Variants in TXNRD1 observed in about 807,000 individuals in gnomAD.
The protein encoded by TXNRD1 is thioredoxin reductase 1.
Under a neutral mutation model 80.3 loss-of-function variants are expected in TXNRD1, and 57 were observed. The observed-to-expected ratio is 0.71, with a 90% CI of 0.57 to 0.89. TXNRD1 has a LOEUF of 0.89. Ranked by LOEUF, TXNRD1 falls within the 40% of genes least tolerant of loss-of-function variation. TXNRD1 has a pLI of 0.00. For synonymous variants in TXNRD1, 291 were observed against 285.2 expected (o/e 1.02, Z -0.20); for missense variants, 730 against 803.0 (o/e 0.91, Z 1.10).
At chr12:104,254,644 A>AAAAAAAAATATATATATAT in intron 2 of TXNRD1, among the ~76,000 whole-genome samples, 5 of 93,634 alleles carry the variant, frequency 5.3e-5, no homozygotes, top group African/African-American at 1.5e-4. Context: ...AAAAAAAAAA[A>AAAAAAAAATATATATATAT]ATATATATAT....
chr12:104,269,959 C>T (rs753502759), intron 3 of TXNRD1, among the ~76,000 whole-genome samples: 1 of 152,090 alleles, frequency 6.6e-6, no homozygotes, highest in African/African-American at 2.4e-5. Flanking sequence ...AGCAATCCTA[C>T]GTTGGCCTCC....
In TXNRD1 at chr12:104,305,929, A is replaced by C. The variant is rs137935972; in HGVS notation, c.415-5361A>C. Among the ~76,000 whole-genome samples, 63 of 152,050 alleles carry C rather than the reference A, an allele frequency of 4.1e-4. 1 individual carries two copies. The East Asian group carries it at 0.012, about 29-fold the overall frequency. ...TATCTTTTTTTTTCCCCCTCGAGAC[A>C]GAGTATCACTCTTGCCCAGGCTGGG... is the stretch of plus-strand genomic sequence containing the variant. On this transcript the variant is annotated intron_variant, in intron 4 of 16. Coordinates refer to ENST00000525566, the MANE Select transcript of TXNRD1 (RefSeq NM_001093771.3).
chr12:104,331,481 T>C lies in TXNRD1; in HGVS notation c.1543-53T>C, dbSNP rs2035944008. 10 of 1,224,436 alleles carry C rather than the reference T, an allele frequency of 8.2e-6. No homozygotes were observed. In the East Asian group the frequency reaches 2.2e-4, roughly 27 times the overall value. The allele number at this position is 1,224,436 out of a possible 1,614,324, so 75.8% of individuals were successfully genotyped here. A position where few individuals can be genotyped will look rare whatever the true frequency, so the allele number is the denominator to read the frequency against. ...ATTTTGACTTTTTTGAATACCTTTT[T>C]TTTTAAGTTATAACTTTGCCTATTA... On this transcript the variant is annotated intron_variant, in intron 13 of 16. Coordinates refer to ENST00000525566, the MANE Select transcript of TXNRD1 (RefSeq NM_001093771.3).
intron 4 of TXNRD1, among the ~76,000 whole-genome samples, chr12:104,300,538 C>T (rs2034587248): frequency 6.6e-6 from 1 of 152,150 alleles, no homozygotes; most frequent in South Asian, 2.1e-4. Context: ...GCACTTGGAC[C>T]TTAGGTTAGG....
intron 1 of TXNRD1, among the ~76,000 whole-genome samples, chr12:104,242,523 G>T (rs1371434010): frequency 5.3e-5 from 8 of 151,874 alleles, no homozygotes; most frequent in Non-Finnish European, 8.8e-5. Flanking sequence ...AATCCAGCAT[G>T]GGCGACAAGA....
chr12:104,260,718 A>G (rs1372822881), intron 3 of TXNRD1, among the ~76,000 whole-genome samples: 1 of 152,228 alleles, frequency 6.6e-6, no homozygotes, highest in South Asian at 2.1e-4. Flanking sequence ...TGGGTCCAAA[A>G]GTAGCCTTTT....
chr12:104,294,325 G>A (rs113505016), intron 4 of TXNRD1, among the ~76,000 whole-genome samples: 1,945 of 150,766 alleles, frequency 0.013, 43 homozygotes, highest in African/African-American at 0.045. Flanking sequence ...GATCCTCTTG[G>A]TGACGGGCGT....
At chr12:104,274,860 G>C (rs2033723638) in intron 3 of TXNRD1, among the ~76,000 whole-genome samples, 1 of 152,100 alleles carries the variant, frequency 6.6e-6, no homozygotes, top group Non-Finnish European at 1.5e-5. Flanking sequence ...AAACATCTGA[G>C]AGTTGACTGG....
At chr12:104,313,013 T>C (rs1442661071) in intron 5 of TXNRD1, among the ~76,000 whole-genome samples, 2 of 152,198 alleles carry the variant, frequency 1.3e-5, no homozygotes, top group Admixed American at 1.3e-4. Flanking sequence ...TTCTAACAAT[T>C]TTACTACTCT....
intron 1 of TXNRD1, among the ~76,000 whole-genome samples, chr12:104,229,145 T>C (rs2032546949): frequency 2.3e-4 from 1 of 4,282 alleles, no homozygotes; most frequent in East Asian, 2.5e-3. Flanking sequence ...ATTACTTTTC[T>C]TTTTTTTTTT....
chr12:104,221,873 A>C (rs1165849931), intron 1 of TXNRD1, among the ~76,000 whole-genome samples: 4 of 152,168 alleles, frequency 2.6e-5, no homozygotes, highest in Non-Finnish European at 5.9e-5. Flanking sequence ...AAAATTAAAA[A>C]TCTGCAGGGA....
At chr12:104,231,823 C>CT (rs1177430075) in intron 1 of TXNRD1, among the ~76,000 whole-genome samples, 1 of 152,164 alleles carries the variant, frequency 6.6e-6, no homozygotes, top group African/African-American at 2.4e-5. Flanking sequence ...TTACCCATCC[C>CT]TTTTTGTTTC....
At chr12:104,294,589 G>T (rs1352944494) in intron 4 of TXNRD1, among the ~76,000 whole-genome samples, 1 of 152,146 alleles carries the variant, frequency 6.6e-6, no homozygotes, top group African/African-American at 2.4e-5. Flanking sequence ...TCTATATCTG[G>T]TATAACAATT....
chr12:104,217,604 C>T (rs1215320909), intron 1 of TXNRD1, among the ~76,000 whole-genome samples: 1 of 152,154 alleles, frequency 6.6e-6, no homozygotes, highest in Non-Finnish European at 1.5e-5. Flanking sequence ...GCCACTGCAC[C>T]CAGCTGACCC....
intron 3 of TXNRD1, chr12:104,287,234 G>C: frequency 6.2e-7 from 1 of 1,612,910 alleles, no homozygotes; most frequent in South Asian, 1.1e-5. Flanking sequence ...TCTCGGGGAA[G>C]GGAAGATATT....
At position 104,286,765 on chromosome 12, in the gene TXNRD1, C is replaced by T. The variant is rs894996595; in HGVS notation, c.305-2166C>T. 13 of 1,024,566 alleles carry T rather than the reference C, an allele frequency of 1.3e-5. No individual in the cohort carries two copies. The South Asian group carries it at 4.0e-4, about 31-fold the overall frequency. 63.5% of individuals were successfully genotyped at this position (1,024,566 alleles called of 1,614,324 possible). A position where few individuals can be genotyped will look rare whatever the true frequency, so the allele number is the denominator to read the frequency against. On this transcript the variant is annotated intron_variant, in intron 3 of 16. Coordinates refer to ENST00000525566, the MANE Select transcript of TXNRD1 (RefSeq NM_001093771.3). ...GTCTAATTTCTTCAGTAAAAACACA[C>T]TTATTCCAAATTTGGTTCCAGAATT...
rs1022489099 is a variant in TXNRD1, at chr12:104,299,722, G to A, written c.414+10682G>A. Reference sequence around the variant, plus strand: ...GTGTAGGTTGCAGTGAGCCGAGATCGTGCCATTGCACTCCAGCCTGGGTGA... The same window carrying A: ...GTGTAGGTTGCAGTGAGCCGAGATCATGCCATTGCACTCCAGCCTGGGTGA... On this transcript the variant is annotated intron_variant, in intron 4 of 16. Coordinates refer to ENST00000525566, the MANE Select transcript of TXNRD1 (RefSeq NM_001093771.3). Among the ~76,000 whole-genome samples, 176 of 148,130 alleles carry A rather than the reference G, an allele frequency of 1.2e-3. 1 individual carries two copies. The highest frequency in any genetic ancestry group is 4.3e-3 in the African/African-American group (171 of 40,014).
intron 13 of TXNRD1, among the ~76,000 whole-genome samples, chr12:104,329,223 A>G (rs1038284394): frequency 6.6e-6 from 1 of 152,070 alleles, no homozygotes; most frequent in Non-Finnish European, 1.5e-5. Flanking sequence ...TCTTGTATGC[A>G]TTGTTGCAGT....
At chr12:104,317,134 A>T (rs575179880) in intron 7 of TXNRD1, among the ~76,000 whole-genome samples, 2 of 152,318 alleles carry the variant, frequency 1.3e-5, no homozygotes, top group Admixed American at 1.3e-4. Context: ...GGGATATAGG[A>T]GGAAATTTTG....
Sources: gnomAD v4.1 joint callset for allele counts (sites outside exome capture counted in the v4.1 genomes callset) on GRCh38, gnomAD v4.1.1 for gene constraint, MANE v1.5 for transcripts, NCBI Gene and HGNC (gene_info 2026-07-23, HGNC 2026-07-21) for gene names.